ELOVL6: variants seen among roughly 807,000 people sequenced by gnomAD.
The protein encoded by ELOVL6 is very long chain fatty acid elongase 6.
Under a neutral mutation model 31.7 loss-of-function variants are expected in ELOVL6, and 8 were observed. That is an observed-to-expected ratio of 0.25 (90% confidence interval 0.15 to 0.45). ELOVL6 has a LOEUF of 0.45. Ranked by LOEUF, ELOVL6 falls within the 20% of genes least tolerant of loss-of-function variation. The pLI, the probability that ELOVL6 is intolerant of heterozygous loss-of-function variation, is 1.00. For missense variants in ELOVL6, 126 were observed against 326.4 expected, an observed-to-expected ratio of 0.39 and a Z score of 4.73; for synonymous variants, 101 against 117.7, an observed-to-expected ratio of 0.86 and a Z score of 0.92.
chr4:110,138,431 A>G (rs1225965117), intron 1 of ELOVL6, among the ~76,000 whole-genome samples: 1 of 152,194 alleles, frequency 6.6e-6, no homozygotes, highest in African/African-American at 2.4e-5. Flanking sequence ...AAAAGCAGAG[A>G]GATACACACT....
intron 1 of ELOVL6, among the ~76,000 whole-genome samples, chr4:110,154,074 C>A (rs1758350574): frequency 6.6e-6 from 1 of 151,852 alleles, no homozygotes; most frequent in Non-Finnish European, 1.5e-5. Context: ...ATATTAATTT[C>A]TTTTCTTTTG....
intron 1 of ELOVL6, among the ~76,000 whole-genome samples, chr4:110,125,228 C>T (rs1757460551): frequency 6.6e-6 from 1 of 152,070 alleles, no homozygotes; most frequent in Non-Finnish European, 1.5e-5. Flanking sequence ...AAATTTTTAG[C>T]TGAGTAATAA....
rs148500478 is a variant in ELOVL6 at position 110,067,418 on chromosome 4, C to T, written c.222-7664G>A. Among the ~76,000 whole-genome samples, 678 of 152,332 alleles carry T rather than the reference C, an allele frequency of 4.5e-3. 3 individuals are homozygous for T. The highest frequency in any genetic ancestry group is 0.015 in the African/African-American group (611 of 41,570). ...GAACATGCATTAGTCCGTTCTCACA[C>T]TGCCATAAAAAACTGCCTGAGACTG... On this transcript the variant is annotated intron_variant, in intron 2 of 3. Transcript: ENST00000302274.
intron 1 of ELOVL6, among the ~76,000 whole-genome samples, chr4:110,194,667 G>A (rs1332522826): frequency 1.3e-5 from 2 of 152,260 alleles, no homozygotes; most frequent in Non-Finnish European, 2.9e-5. Context: ...CACGTGCTAT[G>A]GTTAGTAAGT....
chr4:110,066,033 G>A (rs1755289431), intron 2 of ELOVL6, among the ~76,000 whole-genome samples: 1 of 152,054 alleles, frequency 6.6e-6, no homozygotes, highest in Admixed American at 6.6e-5. Context: ...TACTTTCCCA[G>A]TATTAGGCAA....
chr4:110,084,208 T>C lies in ELOVL6; in HGVS notation c.221+21289A>G, dbSNP rs1206545081. On this transcript the variant is annotated intron_variant, in intron 2 of 3. Coordinates refer to ENST00000302274, the MANE Select transcript of ELOVL6 (RefSeq NM_024090.3). Reference sequence around the variant, plus strand: ...TAACATATAACTTATATGATATATATAACATATAACTTATATGATATATAT... The same window carrying C: ...TAACATATAACTTATATGATATATACAACATATAACTTATATGATATATAT... 7.0e-5 allele frequency among the ~76,000 whole-genome samples: 5 copies of C among 71,292 alleles called. 1 individual carries two copies. The highest frequency in any genetic ancestry group is 1.2e-4 in the Non-Finnish European group (5 of 41,592). 46.8% of individuals were successfully genotyped at this position (71,292 alleles called of 152,430 possible).
intron 1 of ELOVL6, among the ~76,000 whole-genome samples, chr4:110,134,309 T>C (rs1757750450): frequency 1.3e-5 from 2 of 152,162 alleles, no homozygotes; most frequent in African/African-American, 4.8e-5. Flanking sequence ...ATATGGTCCT[T>C]CCTTCGATAC....
chr4:110,084,240 T>TAAC (rs1756087798), intron 2 of ELOVL6, among the ~76,000 whole-genome samples: 65 of 132,966 alleles, frequency 4.9e-4, no homozygotes, highest in South Asian at 1.2e-3. Flanking sequence ...ATATAACATA[T>TAAC]ATGATATATA....
chr4:110,156,381 C>G (rs1276504192), intron 1 of ELOVL6, among the ~76,000 whole-genome samples: 1 of 152,090 alleles, frequency 6.6e-6, no homozygotes, highest in African/African-American at 2.4e-5. Flanking sequence ...TAAAATCTTA[C>G]TAAATATTAA....
chr4:110,155,365 C>A (rs937543307), intron 1 of ELOVL6, among the ~76,000 whole-genome samples: 3 of 151,718 alleles, frequency 2.0e-5, no homozygotes, highest in Non-Finnish European at 4.4e-5. Context: ...GAAGGGATAG[C>A]CCTAGAGACT....
At chr4:110,124,657 CAT>C (rs1757446589) in intron 1 of ELOVL6, among the ~76,000 whole-genome samples, 1 of 151,234 alleles carries the variant, frequency 6.6e-6, no homozygotes, top group Non-Finnish European at 1.5e-5. Context: ...CACCATGGCA[CAT>C]GTTTACCTAT....
intron 2 of ELOVL6, among the ~76,000 whole-genome samples, chr4:110,076,761 C>A (rs1338707099): frequency 6.6e-6 from 1 of 152,096 alleles, no homozygotes; most frequent in Admixed American, 6.5e-5. Context: ...TGCAGCGCAC[C>A]GAGTGTGAGC....
chr4:110,170,380 A>G (rs896711320), intron 1 of ELOVL6, among the ~76,000 whole-genome samples: 2 of 152,254 alleles, frequency 1.3e-5, no homozygotes, highest in African/African-American at 4.8e-5. Flanking sequence ...CTAAGAATTC[A>G]TACTTATTTA....
At chr4:110,061,802 T>A (rs1210373303) in intron 2 of ELOVL6, among the ~76,000 whole-genome samples, 1 of 152,034 alleles carries the variant, frequency 6.6e-6, no homozygotes, top group African/African-American at 2.4e-5. Context: ...GTGATCCACC[T>A]GCCTCGGCCT....
At chr4:110,170,473 G>A (rs535282704) in intron 1 of ELOVL6, among the ~76,000 whole-genome samples, 6 of 152,336 alleles carry the variant, frequency 3.9e-5, no homozygotes, top group South Asian at 2.1e-4. Context: ...GCAAAGAGCA[G>A]TGAAAAAATT....
chr4:110,130,647 G>T (rs1757641065), intron 1 of ELOVL6, among the ~76,000 whole-genome samples: 1 of 152,190 alleles, frequency 6.6e-6, no homozygotes, highest in Non-Finnish European at 1.5e-5. Flanking sequence ...ACAGTAATAA[G>T]CAGTATTAAA....
intron 1 of ELOVL6, among the ~76,000 whole-genome samples, chr4:110,112,644 G>T (rs1256726899): frequency 1.3e-5 from 2 of 149,596 alleles, no homozygotes; most frequent in Non-Finnish European, 3.0e-5. Context: ...AGGCTGAGGG[G>T]GGTGGATCAC....
At chr4:110,105,473 A>G (rs760114056) in intron 2 of ELOVL6, 24 bp downstream of exon 2, 2 of 1,583,808 alleles carry the variant, frequency 1.3e-6, no homozygotes, top group Non-Finnish European at 1.7e-6. Flanking sequence ...GATACGTTTT[A>G]TTAGAAAAAT....
chr4:110,117,903 A>AAAAATATATAT, intron 1 of ELOVL6: 2 of 6,504 alleles, frequency 3.1e-4, no homozygotes, highest in African/African-American at 3.3e-4. Context: ...AAAAAAAAAA[A>AAAAATATATAT]ATATATATAT....
Sources: gnomAD v4.1 joint callset for allele counts (sites outside exome capture counted in the v4.1 genomes callset) on GRCh38, gnomAD v4.1.1 for gene constraint, MANE v1.5 for transcripts, NCBI Gene and HGNC (gene_info 2026-07-23, HGNC 2026-07-21) for gene names.